The following MAPK8IP3 variants were observed in gnomAD, a reference collection of about 807,000 sequenced individuals.
The protein encoded by MAPK8IP3 is C-Jun-amino-terminal kinase-interacting protein 3.
A neutral mutation model predicts 157.8 loss-of-function variants in MAPK8IP3; 49 were observed. The observed-to-expected ratio is 0.31, with a 90% CI of 0.25 to 0.39. The LOEUF (loss-of-function observed/expected upper bound fraction) is 0.39. MAPK8IP3 is among the 10% of genes least tolerant of loss of function. The pLI is 1.00. For synonymous variants in MAPK8IP3, 897 were observed against 777.7 expected, an observed-to-expected ratio of 1.15 and a Z score of -2.55; for missense variants, 1,478 against 1,889.4, an observed-to-expected ratio of 0.78 and a Z score of 4.04.
At chr16:1,756,593 G>A (rs986592720) in intron 8 of MAPK8IP3, among the ~76,000 whole-genome samples, 6 of 150,000 alleles carry the variant, frequency 4.0e-5, no homozygotes, top group African/African-American at 1.5e-4. Flanking sequence ...GACCAGCCTG[G>A]GCAACATAGT....
intron 23 of MAPK8IP3, 36 bp downstream of exon 23, chr16:1,766,684 C>T: frequency 1.9e-6 from 3 of 1,612,550 alleles, no homozygotes; most frequent in Non-Finnish European, 2.5e-6. Context: ...AGGGAGGGTC[C>T]TGGGTGAGCC....
chr16:1,758,214 G>A, intron 9 of MAPK8IP3, 55 bp downstream of exon 9: 1 of 1,603,820 alleles, frequency 6.2e-7, no homozygotes. Flanking sequence ...GGGAGTGGGT[G>A]GACGGGGGAT....
chr16:1,741,340 A>G lies in MAPK8IP3; in HGVS notation c.603-1992A>G, dbSNP rs891706034. ...GCCTGGGGGCCGGTGGGGAGGAGCA[A>G]AGGAAAGAGTGAAGGCAGCTCCTGA... On this transcript the variant is annotated intron_variant, in intron 4 of 31. Transcript: ENST00000610761. The surrounding 1 kb of genome is among the most constrained non-coding windows in gnomAD (Gnocchi z 6.9). 6.6e-6 allele frequency among the ~76,000 whole-genome samples: 1 copy of G among 152,054 alleles called. No individual in the cohort carries two copies. Among genetic ancestry groups the G allele is most frequent in the African/African-American group, 2.4e-5 (1 of 41,402 alleles).
intron 8 of MAPK8IP3, among the ~76,000 whole-genome samples, chr16:1,750,327 C>T (rs886741398): frequency 3.2e-4 from 48 of 152,026 alleles, no homozygotes; most frequent in African/African-American, 1.1e-3. Context: ...ATTCTCCTGT[C>T]TCCGCCTCCC....
Position 1,736,903 on chromosome 16 carries a change from C to T in MAPK8IP3, c.603-6429C>T, listed in dbSNP as rs1291344696. 6.6e-4 allele frequency among the ~76,000 whole-genome samples: 6 copies of T among 9,148 alleles called. 1 individual carries two copies. Among genetic ancestry groups the T allele is most frequent in the Admixed American group, 2.4e-3 (1 of 418 alleles). 6.0% of individuals were successfully genotyped at this position (9,148 alleles called of 152,430 possible). A position where few individuals can be genotyped will look rare whatever the true frequency, so the allele number is the denominator to read the frequency against. On this transcript the variant is annotated intron_variant, in intron 4 of 31. Coordinates refer to ENST00000610761, the MANE Select transcript of MAPK8IP3 (RefSeq NM_001318852.2). ...GAGCGTGTGACCGTCCGTGTGTGAC[C>T]GTCTGTGTGAGTGACCATCCATGTG...
In MAPK8IP3 at chr16:1,724,743, G is replaced by T; in HGVS notation, c.439+66G>T. On this transcript the variant is annotated intron_variant, in intron 2 of 31. Transcript: ENST00000610761. This position sits in a 1 kb window ranked among gnomAD's most constrained non-coding sequence, Gnocchi z 4.1. ...GCTGCTCTGGGACGGCTCTGGTTGG[G>T]GTGGGCATGGAGCGCCTTCCACACA... The T allele has an allele frequency of 1.9e-6, 3 of 1,574,160 alleles. No individual in the cohort carries two copies. The highest frequency in any genetic ancestry group is 1.7e-6 in the Non-Finnish European group (2 of 1,157,226).
intron 12 of MAPK8IP3, 47 bp from the exon 13 acceptor site, chr16:1,761,177 G>A (rs1317071872): frequency 4.7e-6 from 7 of 1,486,026 alleles, no homozygotes; most frequent in Non-Finnish European, 6.6e-6. Context: ...TGTTCCCGAG[G>A]CCCCTGGGAG....
chr16:1,712,210 C>T (rs532337489), intron 1 of MAPK8IP3, among the ~76,000 whole-genome samples: 4 of 151,622 alleles, frequency 2.6e-5, no homozygotes, highest in East Asian at 2.0e-4. Context: ...TACAGGTGCC[C>T]GCCAACACGC....
intron 1 of MAPK8IP3, among the ~76,000 whole-genome samples, chr16:1,715,712 G>A (rs542305077): frequency 2.6e-5 from 4 of 151,986 alleles, no homozygotes; most frequent in Non-Finnish European, 4.4e-5. Context: ...CCTAACAAAC[G>A]TATGAGAGGA....
At chr16:1,730,877 C>T (rs908796849) in intron 4 of MAPK8IP3, among the ~76,000 whole-genome samples, 1 of 146,730 alleles carries the variant, frequency 6.8e-6, no homozygotes, top group Non-Finnish European at 1.5e-5. Flanking sequence ...CAGTGGCTCA[C>T]ACCTGTAATC....
At chr16:1,756,370 G>A (rs1178563864) in intron 8 of MAPK8IP3, among the ~76,000 whole-genome samples, 2 of 151,816 alleles carry the variant, frequency 1.3e-5, no homozygotes, top group Non-Finnish European at 2.9e-5. Context: ...GCTGGGCATG[G>A]TGGTGTGCAC....
At chr16:1,760,238 T>C (rs2041857421) in intron 11 of MAPK8IP3, 142 bp from the exon 12 acceptor site, 1 of 1,130,212 alleles carries the variant, frequency 8.8e-7, no homozygotes, top group Non-Finnish European at 1.3e-6. Flanking sequence ...TTAGCTAAGA[T>C]GGGGATGGGG....
In MAPK8IP3 at chr16:1,729,187, C is replaced by T. The variant is rs897034890; in HGVS notation, c.489C>T (p.Ala163=). Residue 163 remains alanine, a synonymous_variant, in exon 3 of 32, where the codon GCC becomes GCT. Coordinates refer to ENST00000610761, the MANE Select transcript of MAPK8IP3 (RefSeq NM_001318852.2). ...RESEMKKEYN[A]LHQRHTEMIQ... is the part of the protein sequence containing the mutation. ...CGGAGATGAAGAAGGAGTACAATGCCCTGCACCAGCGGCACACAGAGGTGG... is the reference window on the plus strand; with the variant it reads ...CGGAGATGAAGAAGGAGTACAATGCTCTGCACCAGCGGCACACAGAGGTGG... The T allele has an allele frequency of 3.7e-6, 6 of 1,613,982 alleles. No homozygotes were observed. Among genetic ancestry groups the T allele is most frequent in the Non-Finnish European group, 5.1e-6 (6 of 1,180,014 alleles).
Position 1,765,124 on chromosome 16 carries a change from G to A in MAPK8IP3, c.2392G>A (p.Val798Met), listed in dbSNP as rs751098998. The change falls in exon 20 of 32, where the codon GTG becomes ATG. Residue 798 changes from valine to methionine, a missense_variant. Val to Met is a conservative substitution (Grantham distance 21). Around this residue, in one of 11 missense-constraint regions of MAPK8IP3, gnomAD observed 669 missense variants for 759.8 expected, o/e 0.88. Coordinates refer to ENST00000610761, the MANE Select transcript of MAPK8IP3 (RefSeq NM_001318852.2). ...CGACGCCAACCAGCCGGGCACGGTGGTGGACCAGTTCACCGTCTGCAACGC... is the reference window on the plus strand; with the variant it reads ...CGACGCCAACCAGCCGGGCACGGTGATGGACCAGTTCACCGTCTGCAACGC... The part of the protein sequence containing the change: ...IIDANQPGTV[V>M]DQFTVCNAHV... 4 of 1,612,010 alleles carry A rather than the reference G, an allele frequency of 2.5e-6. No homozygotes were observed. The South Asian group carries it at 4.4e-5, about 18-fold the overall frequency.
chr16:1,713,988 A>C (rs2037966909), intron 1 of MAPK8IP3: 1 of 152,158 alleles, frequency 6.6e-6, no homozygotes, highest in Non-Finnish European at 1.5e-5. Context: ...ACCTGTCCCC[A>C]GGTAACCACT....
Position 1,766,743 on chromosome 16 carries a change from T to G in MAPK8IP3, c.2960T>G (p.Val987Gly). 1 of 1,612,856 alleles carries G rather than the reference T, an allele frequency of 6.2e-7. No homozygotes were observed. The highest frequency in any genetic ancestry group is 8.5e-7 in the Non-Finnish European group (1 of 1,179,926). Residue 987 changes from valine to glycine, a missense_variant, in exon 24 of 32, where the codon GTG becomes GGG. Physicochemically the swap from Val to Gly is moderately radical, Grantham distance 109. Around this residue, in one of 11 missense-constraint regions of MAPK8IP3, gnomAD observed 669 missense variants for 759.8 expected, o/e 0.88. Transcript: ENST00000610761. ...QNGWLYVHSA[V>G]ANWKKCLHSI... is the part of the protein sequence containing the mutation. ...CCTAGGCTCTATGTGCACTCGGCTGTGGCCAACTGGAAGAAGTGCCTGCAC... is the reference window on the plus strand; with the variant it reads ...CCTAGGCTCTATGTGCACTCGGCTGGGGCCAACTGGAAGAAGTGCCTGCAC...
Position 1,741,149 on chromosome 16 carries a change from G to A in MAPK8IP3, c.603-2183G>A, listed in dbSNP as rs545192160. On this transcript the variant is annotated intron_variant, in intron 4 of 31. Transcript: ENST00000610761. The surrounding 1 kb of genome is among the most constrained non-coding windows in gnomAD (Gnocchi z 6.9). ...TCACTCACCAGCCTGTGTCAGAGCCGGTGACACACCCATGACCCCCAAGGG... is the reference window on the plus strand; with the variant it reads ...TCACTCACCAGCCTGTGTCAGAGCCAGTGACACACCCATGACCCCCAAGGG... Among the ~76,000 whole-genome samples, 1 of 152,164 alleles carries A rather than the reference G, an allele frequency of 6.6e-6. No homozygotes were observed. Among genetic ancestry groups the A allele is most frequent in the Non-Finnish European group, 1.5e-5 (1 of 68,010 alleles).
intron 17 of MAPK8IP3, 116 bp downstream of exon 17, chr16:1,763,899 C>T: frequency 3.1e-5 from 7 of 224,170 alleles, no homozygotes; most frequent in Non-Finnish European, 4.0e-5. Context: ...TGGGAGAGGA[C>T]GGCGGGTGGG....
intron 12 of MAPK8IP3, 23 bp downstream of exon 12, chr16:1,760,555 T>C (rs773466267): frequency 6.2e-7 from 1 of 1,601,870 alleles, no homozygotes; most frequent in East Asian, 2.2e-5. Context: ...CATGGAAAGC[T>C]GGTCAGAGAG....
Sources: allele counts gnomAD v4.1 joint callset (sites outside exome capture counted in the v4.1 genomes callset), GRCh38; gene constraint gnomAD v4.1.1; regional missense constraint gnomAD v4.1.1; non-coding constraint Gnocchi (gnomAD v3.1); transcripts MANE v1.5; gene names NCBI Gene and HGNC (gene_info 2026-07-23, HGNC 2026-07-21).